The following COPG2 variants were observed in gnomAD, a reference collection of about 807,000 sequenced individuals.
The protein encoded by COPG2 is coatomer subunit gamma-2.
A neutral mutation model predicts 46.3 loss-of-function variants in COPG2; 37 were observed. The observed-to-expected ratio is 0.80, with a 90% CI of 0.61 to 1.05. The LOEUF is 1.05. Among genes scored for constraint, COPG2 ranks in the 50% least tolerant of loss-of-function variants. The pLI is 0.00. For missense variants in COPG2, 427 were observed against 387.8 expected, an observed-to-expected ratio of 1.10 and a Z score of -0.85; for synonymous variants, 159 against 129.7, an observed-to-expected ratio of 1.23 and a Z score of -1.53.
Position 130,613,524 on chromosome 7 carries a change from G to A in COPG2, c.492+20C>T, listed in dbSNP as rs374876300. 5.5e-6 allele frequency: 8 copies of A among 1,454,784 alleles called. No homozygotes were observed. The highest frequency in any genetic ancestry group is 7.6e-6 in the Non-Finnish European group (8 of 1,047,260). The allele number at this position is 1,454,784 out of a possible 1,614,324, so 90.1% of individuals were successfully genotyped here. A position where few individuals can be genotyped will look rare whatever the true frequency, so the allele number is the denominator to read the frequency against. ...AAACTGTACCATGCTTAAGAACTAG[G>A]AAGCTGCTTGTTCACTTACCAGGGA... On this transcript the variant is annotated intron_variant, in intron 7 of 23. Transcript: ENST00000425248.
At chr7:130,579,373 G>A (rs1441214842) in intron 9 of COPG2, among the ~76,000 whole-genome samples, 9 of 149,364 alleles carry the variant, frequency 6.0e-5, no homozygotes, top group African/African-American at 9.9e-5. Context: ...AGGAACAACC[G>A]GTACCAGCCA....
intron 20 of COPG2, chr7:130,510,995 C>T (rs781941056): frequency 5.8e-6 from 3 of 519,602 alleles, no homozygotes; most frequent in Admixed American, 1.9e-5. Flanking sequence ...TGAAATTAAG[C>T]TTGTCTTGTG....
intron 12 of COPG2, among the ~76,000 whole-genome samples, chr7:130,559,060 TA>T (rs1164801558): frequency 2.6e-5 from 4 of 151,806 alleles, no homozygotes; most frequent in East Asian, 1.9e-4. Context: ...TATGACTACC[TA>T]AAAAAAATAA....
At position 130,548,036 on chromosome 7, in the gene COPG2, G is replaced by GT. The variant is rs1181013497; in HGVS notation, c.1978-192dup. ...GGTCTTTTGTTTATATTATTCATCA[G>GT]TTTTTTCTCTTTCCTGAGACTGCTG... is the stretch of plus-strand genomic sequence containing the variant. On this transcript the variant is annotated intron_variant, in intron 19 of 23. Transcript: ENST00000425248. 1.9e-3 allele frequency among the ~76,000 whole-genome samples: 286 copies of GT among 152,226 alleles called. 1 individual carries two copies. Among genetic ancestry groups the GT allele is most frequent in the Non-Finnish European group, 3.4e-3 (231 of 68,004 alleles).
chr7:130,651,128 T>G (rs1471109522), intron 5 of COPG2, among the ~76,000 whole-genome samples: 2 of 152,226 alleles, frequency 1.3e-5, no homozygotes, highest in African/African-American at 2.4e-5. Flanking sequence ...CAATGAGTTA[T>G]AGTAATTAAA....
intron 20 of COPG2, among the ~76,000 whole-genome samples, chr7:130,541,099 G>C (rs1799931687): frequency 6.6e-6 from 1 of 152,174 alleles, no homozygotes; most frequent in Non-Finnish European, 1.5e-5. Context: ...GGGGCTGATG[G>C]AGGCATCAGG....
chr7:130,556,624 G>A (rs956566167), intron 12 of COPG2, among the ~76,000 whole-genome samples: 14 of 152,028 alleles, frequency 9.2e-5, no homozygotes, highest in Non-Finnish European at 1.6e-4. Context: ...TATAAATACC[G>A]ATGTAAAAAT....
chr7:130,656,173 C>T (rs1271090995), intron 4 of COPG2, among the ~76,000 whole-genome samples: 2 of 150,770 alleles, frequency 1.3e-5, no homozygotes, highest in Admixed American at 1.3e-4. Flanking sequence ...TTCTCTTCCT[C>T]TTTTTTTCCC....
At chr7:130,601,224 A>G (rs1354992004) in intron 9 of COPG2, among the ~76,000 whole-genome samples, 3 of 152,220 alleles carry the variant, frequency 2.0e-5, no homozygotes, top group Non-Finnish European at 4.4e-5. Context: ...TGGGAGTGTA[A>G]ATTAGTTCAA....
chr7:130,548,003 ATT>A, intron 19 of COPG2, among the ~76,000 whole-genome samples, 158 bp from the exon 20 acceptor site: 1 of 152,164 alleles, frequency 6.6e-6, no homozygotes, highest in Non-Finnish European at 1.5e-5. Context: ...GGAGAGCCTT[ATT>A]CTTGAGGTCT....
intron 20 of COPG2, chr7:130,511,381 G>A (rs1799592450): frequency 1.9e-6 from 1 of 519,392 alleles, no homozygotes; most frequent in Admixed American, 1.9e-5. Flanking sequence ...GAAGCAATGG[G>A]TGCAGCATAG....
chr7:130,535,927 GAAAC>G (rs1799875747), intron 20 of COPG2, among the ~76,000 whole-genome samples: 1 of 152,084 alleles, frequency 6.6e-6, no homozygotes, highest in South Asian at 2.1e-4. Context: ...TGGTTTCTGG[GAAAC>G]AAACAGGATG....
At chr7:130,524,985 GA>G (rs1363267980) in intron 20 of COPG2, among the ~76,000 whole-genome samples, 1 of 152,122 alleles carries the variant, frequency 6.6e-6, no homozygotes, top group African/African-American at 2.4e-5. Flanking sequence ...AGGGAAGGAA[GA>G]ATTGGATGCT....
At chr7:130,568,958 G>A (rs1436593886) in intron 9 of COPG2, among the ~76,000 whole-genome samples, 2 of 152,186 alleles carry the variant, frequency 1.3e-5, no homozygotes, top group Non-Finnish European at 2.9e-5. Context: ...GCTCCTGAAT[G>A]ATTGTCAGGT....
intron 5 of COPG2, among the ~76,000 whole-genome samples, chr7:130,646,187 T>C (rs1795590698): frequency 6.6e-6 from 1 of 152,364 alleles, no homozygotes; most frequent in South Asian, 2.1e-4. Context: ...TCAGTCAGAA[T>C]TGGGTAAGGC....
At chr7:130,524,870 C>T (rs1421112040) in intron 20 of COPG2, among the ~76,000 whole-genome samples, 1 of 152,004 alleles carries the variant, frequency 6.6e-6, no homozygotes, top group Admixed American at 6.5e-5. Context: ...GGACTGTGTC[C>T]GCCATGGTGG....
chr7:130,594,417 G>C (rs1352371685), intron 9 of COPG2, among the ~76,000 whole-genome samples: 2 of 152,140 alleles, frequency 1.3e-5, no homozygotes, highest in East Asian at 3.9e-4. Flanking sequence ...ACTCTTTGAA[G>C]AAAACAGGTG....
chr7:130,604,669 A>AGGTATTTAT (rs1554450951), intron 9 of COPG2: 2 of 497,646 alleles, frequency 4.0e-6, no homozygotes, highest in Non-Finnish European at 7.9e-6. Flanking sequence ...TATTTTCTTC[A>AGGTATTTAT]CTTATTGCAC....
At chr7:130,583,611 C>A (rs1179087311) in intron 9 of COPG2, among the ~76,000 whole-genome samples, 1 of 148,726 alleles carries the variant, frequency 6.7e-6, no homozygotes, top group Non-Finnish European at 1.5e-5. Flanking sequence ...TTGAGACCAA[C>A]CTGGCCAACA....
Sources: allele counts gnomAD v4.1 joint callset (sites outside exome capture counted in the v4.1 genomes callset), GRCh38; gene constraint gnomAD v4.1.1; transcripts MANE v1.5; gene names NCBI Gene and HGNC (gene_info 2026-07-23, HGNC 2026-07-21).